The following KCNK13 variants were observed in gnomAD, a reference collection of about 807,000 sequenced individuals.
The protein encoded by KCNK13 is potassium channel subfamily K member 13.
A neutral mutation model predicts 23.4 loss-of-function variants in KCNK13; 12 were observed. The ratio of observed to expected loss-of-function variants is 0.51; its 90% CI spans 0.33 to 0.83. KCNK13 has a LOEUF of 0.83. Ranked by LOEUF, KCNK13 falls within the 40% of genes least tolerant of loss-of-function variation. The probability of loss-of-function intolerance (pLI) is 0.02; values close to 1 mark genes in which losing one functional copy is unlikely to be tolerated. For synonymous variants in KCNK13, 231 were observed against 229.5 expected (o/e 1.01, Z -0.06); for missense variants, 463 against 556.3 (o/e 0.83, Z 1.69).
At chr14:90,152,452 T>C (rs373666099) in intron 1 of KCNK13, among the ~76,000 whole-genome samples, 34 of 152,234 alleles carry the variant, frequency 2.2e-4, no homozygotes, top group African/African-American at 7.7e-4. Context: ...GGAGAATCGC[T>C]TGAACCCGGG....
intron 1 of KCNK13, among the ~76,000 whole-genome samples, chr14:90,117,599 A>T (rs1350995265): frequency 2.0e-5 from 3 of 152,172 alleles, no homozygotes; most frequent in Non-Finnish European, 4.4e-5. Flanking sequence ...CTCAAAAAAA[A>T]AATTAGGAAT....
intron 1 of KCNK13, chr14:90,107,720 G>T (rs1878483223): frequency 1.3e-6 from 1 of 778,782 alleles, no homozygotes; most frequent in South Asian, 1.3e-5. Context: ...TGGGAAGGTG[G>T]TTGTGTTCAT....
chr14:90,069,641 T>C (rs1296755627), intron 1 of KCNK13, among the ~76,000 whole-genome samples: 2 of 151,808 alleles, frequency 1.3e-5, no homozygotes, highest in Non-Finnish European at 2.9e-5. Flanking sequence ...TATAAAGTTA[T>C]AAACTGACAT....
At chr14:90,076,511 T>A (rs1889135953) in intron 1 of KCNK13, among the ~76,000 whole-genome samples, 1 of 152,214 alleles carries the variant, frequency 6.6e-6, no homozygotes, top group Non-Finnish European at 1.5e-5. Flanking sequence ...CATGTCAGAT[T>A]GTCCCCCAAC....
rs551392263 is a variant in KCNK13, at chr14:90,164,398, G to A, written c.335-19713G>A. Among the ~76,000 whole-genome samples the A allele has an allele frequency of 3.3e-5, 5 of 152,274 alleles. No homozygotes were observed. The South Asian group carries it at 1.0e-3, about 32-fold the overall frequency. ...ATTCATTTAGCTATGCCTAGAAGGC[G>A]CCTCTAAAAAGAATGAGGTTTCAGT... On this transcript the variant is annotated intron_variant, in intron 1 of 1. Coordinates refer to ENST00000282146, the MANE Select transcript of KCNK13 (RefSeq NM_022054.4).
At chr14:90,092,731 T>A (rs1188593113) in intron 1 of KCNK13, among the ~76,000 whole-genome samples, 1 of 151,870 alleles carries the variant, frequency 6.6e-6, no homozygotes, top group Admixed American at 6.6e-5. Context: ...CTGGGCAACA[T>A]AGCAAGATCC....
chr14:90,133,450 G>A (rs990446829), intron 1 of KCNK13, among the ~76,000 whole-genome samples: 2 of 152,070 alleles, frequency 1.3e-5, no homozygotes, highest in South Asian at 2.1e-4. Flanking sequence ...AAACGTTCAC[G>A]GTGGAGACTG....
chr14:90,098,778 C>T (rs546002259), intron 1 of KCNK13, among the ~76,000 whole-genome samples: 4 of 151,978 alleles, frequency 2.6e-5, no homozygotes, highest in East Asian at 1.9e-4. Context: ...TTATATTTAC[C>T]GTTGAAATTA....
chr14:90,112,949 T>C (rs548188671), intron 1 of KCNK13, among the ~76,000 whole-genome samples: 1 of 151,890 alleles, frequency 6.6e-6, no homozygotes, highest in South Asian at 2.1e-4. Flanking sequence ...GGTCTTGCTC[T>C]GTCGCCCAGG....
chr14:90,066,738 A>G (rs1418396795), intron 1 of KCNK13, among the ~76,000 whole-genome samples: 1 of 152,224 alleles, frequency 6.6e-6, no homozygotes, highest in Non-Finnish European at 1.5e-5. Context: ...CTTAGAGTGA[A>G]AAACAGTTTG....
intron 1 of KCNK13, among the ~76,000 whole-genome samples, chr14:90,112,467 C>T (rs1299789326): frequency 1.3e-5 from 2 of 152,076 alleles, no homozygotes; most frequent in Non-Finnish European, 2.9e-5. Flanking sequence ...CAACTAAAAA[C>T]AATGCAAATC....
At chr14:90,095,187 C>T (rs993299276) in intron 1 of KCNK13, among the ~76,000 whole-genome samples, 21 of 152,202 alleles carry the variant, frequency 1.4e-4, no homozygotes, top group South Asian at 2.1e-4. Context: ...GGAACCACTG[C>T]GGCTAGCTTT....
chr14:90,142,835 A>T (rs1157978610), intron 1 of KCNK13, among the ~76,000 whole-genome samples: 1 of 152,238 alleles, frequency 6.6e-6, no homozygotes, highest in Non-Finnish European at 1.5e-5. Context: ...AAGGTTGGTT[A>T]GGACTTGGGC....
chr14:90,179,931 C>A (rs576653197), intron 1 of KCNK13, among the ~76,000 whole-genome samples: 3 of 152,206 alleles, frequency 2.0e-5, no homozygotes, highest in Non-Finnish European at 1.5e-5. Flanking sequence ...CCTGCCCCCC[C>A]TCTCCGGTTT....
At chr14:90,137,600 T>C (rs771814813) in intron 1 of KCNK13, among the ~76,000 whole-genome samples, 1 of 152,122 alleles carries the variant, frequency 6.6e-6, no homozygotes, top group Non-Finnish European at 1.5e-5. Context: ...GGATTATAGG[T>C]GTGAGCCACC....
At chr14:90,100,610 G>A (rs889395143) in intron 1 of KCNK13, among the ~76,000 whole-genome samples, 1 of 152,200 alleles carries the variant, frequency 6.6e-6, no homozygotes, top group Admixed American at 6.5e-5. Context: ...ACTTTGATTT[G>A]TCCATGTGAA....
At chr14:90,106,107 A>G (rs1889540462) in intron 1 of KCNK13, among the ~76,000 whole-genome samples, 1 of 152,206 alleles carries the variant, frequency 6.6e-6, no homozygotes, top group Non-Finnish European at 1.5e-5. Context: ...AGGTGATTCA[A>G]TCAGAATAGT....
chr14:90,125,519 A>G (rs1889787343), intron 1 of KCNK13, among the ~76,000 whole-genome samples: 1 of 151,668 alleles, frequency 6.6e-6, no homozygotes, highest in African/African-American at 2.4e-5. Context: ...CACCTTGCCC[A>G]GCCGATCTAC....
At chr14:90,101,957 C>T (rs993171913) in intron 1 of KCNK13, among the ~76,000 whole-genome samples, 1 of 151,444 alleles carries the variant, frequency 6.6e-6, no homozygotes, top group African/African-American at 2.4e-5. Flanking sequence ...GAACTTGGCT[C>T]ACTGCAACCT....
Sources: gnomAD v4.1 joint callset for allele counts (sites outside exome capture counted in the v4.1 genomes callset) on GRCh38, gnomAD v4.1.1 for gene constraint, MANE v1.5 for transcripts, NCBI Gene and HGNC (gene_info 2026-07-23, HGNC 2026-07-21) for gene names.